Variants in ROBO1 observed in about 807,000 individuals in gnomAD.
ROBO1 encodes the protein roundabout homolog 1.
In ROBO1, 149 loss-of-function variants were observed where a neutral mutation model predicts 195.9. The observed-to-expected ratio is 0.76, with a 90% confidence interval of 0.67 to 0.87. The LOEUF (loss-of-function observed/expected upper bound fraction) is 0.87, where lower values mean the gene tolerates loss of function less well. Among genes scored for constraint, ROBO1 ranks in the 40% least tolerant of loss-of-function variants. The probability of loss-of-function intolerance (pLI) is 0.00; values close to 1 mark genes in which losing one functional copy is unlikely to be tolerated. For missense variants in ROBO1, 1,933 were observed against 2,068.3 expected (o/e 0.93, Z 1.27); for synonymous variants, 816 against 733.2 (o/e 1.11, Z -1.82).
intron 2 of ROBO1, among the ~76,000 whole-genome samples, chr3:79,562,110 A>G (rs1942941294): frequency 6.6e-6 from 1 of 152,078 alleles, no homozygotes; most frequent in Non-Finnish European, 1.5e-5. Flanking sequence ...ACAAATGGCT[A>G]TTTTTTTGTG....
chr3:78,681,643 G>A (rs539270402), intron 10 of ROBO1, among the ~76,000 whole-genome samples: 9 of 152,262 alleles, frequency 5.9e-5, no homozygotes, highest in East Asian at 3.9e-4. Flanking sequence ...GGTGGCTCAC[G>A]CCTGTAATCC....
At chr3:79,359,824 C>T (rs758641441) in intron 2 of ROBO1, among the ~76,000 whole-genome samples, 2 of 151,682 alleles carry the variant, frequency 1.3e-5, no homozygotes, top group African/African-American at 4.8e-5. Context: ...AATACAGATA[C>T]CAAGCATAAG....
intron 1 of ROBO1, among the ~76,000 whole-genome samples, chr3:79,655,639 T>C (rs554944242): frequency 7.2e-5 from 11 of 152,192 alleles, no homozygotes; most frequent in Non-Finnish European, 1.3e-4. Flanking sequence ...AGGGCTTTCA[T>C]TGCCATTAAT....
chr3:79,653,581 G>A lies in ROBO1; in HGVS notation c.-50-63620C>T, dbSNP rs192642961. On this transcript the variant is annotated intron_variant, in intron 1 of 30. Transcript: ENST00000464233. ...GCTTTTGAGTATCATTTCAAGATGAGAATATTTGCATTCCCATTAGGGCAT... is the reference window on the plus strand; with the variant it reads ...GCTTTTGAGTATCATTTCAAGATGAAAATATTTGCATTCCCATTAGGGCAT... Among the ~76,000 whole-genome samples the A allele has an allele frequency of 2.3e-3, 346 of 152,070 alleles. 1 individual carries two copies. Among genetic ancestry groups the A allele is most frequent in the African/African-American group, 7.8e-3 (323 of 41,546 alleles).
intron 1 of ROBO1, among the ~76,000 whole-genome samples, chr3:79,600,727 G>C (rs796396812): frequency 5.9e-5 from 9 of 151,746 alleles, no homozygotes; most frequent in African/African-American, 2.2e-4. Context: ...AATCCACACT[G>C]TGCTAATTTC....
At chr3:79,557,751 T>A (rs28448697) in intron 2 of ROBO1, among the ~76,000 whole-genome samples, 28 of 108,534 alleles carry the variant, frequency 2.6e-4, no homozygotes, top group African/African-American at 1.3e-3. Context: ...AAAATATATA[T>A]ATATATATAT....
intron 3 of ROBO1, among the ~76,000 whole-genome samples, chr3:78,994,753 T>C (rs1053384114): frequency 6.6e-6 from 1 of 152,208 alleles, no homozygotes; most frequent in African/African-American, 2.4e-5. Context: ...AGCTTCACTA[T>C]ACTTTCACCT....
At chr3:79,522,668 C>T (rs1391457631) in intron 2 of ROBO1, among the ~76,000 whole-genome samples, 1 of 152,046 alleles carries the variant, frequency 6.6e-6, no homozygotes, top group Non-Finnish European at 1.5e-5. Context: ...GAAATAACAC[C>T]AATAGATTCC....
At chr3:78,728,547 G>A (rs183673354) in intron 5 of ROBO1, among the ~76,000 whole-genome samples, 1 of 151,276 alleles carries the variant, frequency 6.6e-6, no homozygotes, top group Admixed American at 6.6e-5. Flanking sequence ...ATTCTCAAGT[G>A]AAGGGTATTT....
chr3:79,499,413 C>A (rs1188344850), intron 2 of ROBO1, among the ~76,000 whole-genome samples: 6 of 152,162 alleles, frequency 3.9e-5, no homozygotes, highest in Non-Finnish European at 8.8e-5. Context: ...CAAACTAAAG[C>A]TAAATGAGCT....
chr3:78,614,679 T>C lies in ROBO1; in HGVS notation c.4404A>G (p.Pro1468=), dbSNP rs770026606. 2 of 1,613,846 alleles carry C rather than the reference T, an allele frequency of 1.2e-6. No homozygotes were observed. Among genetic ancestry groups the C allele is most frequent in the Admixed American group, 1.7e-5 (1 of 60,012 alleles). ...TRPAKKLKHQ[P]GHLRRETYTD... ...TGTAGGTTTCTCTGCGCAGATGTCC[T>C]GGCTGGTGTTTCAGTTTCTTGGCTG... The change falls in exon 28 of 31, where the codon CCA becomes CCG. Residue 1468 remains proline, a synonymous_variant. Transcript: ENST00000464233.
intron 14 of ROBO1, among the ~76,000 whole-genome samples, chr3:78,663,624 A>G (rs922768255): frequency 6.6e-6 from 1 of 152,134 alleles, no homozygotes; most frequent in African/African-American, 2.4e-5. Flanking sequence ...TAATCTCACT[A>G]TTCTTCAGTT....
Position 79,178,230 on chromosome 3 carries a change from T to G in ROBO1, c.89-52691A>C, listed in dbSNP as rs115725349. 7.5e-3 allele frequency among the ~76,000 whole-genome samples: 1,136 copies of G among 152,308 alleles called. 7 individuals are homozygous for G. The highest frequency in any genetic ancestry group is 0.012 in the Non-Finnish European group (787 of 68,020). ...TATTTGTTTATTTAGAATATGAAAA[T>G]GTAATGAACAAAACTAGTGTTGAGA... On this transcript the variant is annotated intron_variant, in intron 2 of 30. Transcript: ENST00000464233.
chr3:79,703,890 AAG>A (rs1260419052), intron 1 of ROBO1, among the ~76,000 whole-genome samples: 1 of 151,968 alleles, frequency 6.6e-6, no homozygotes, highest in African/African-American at 2.4e-5. Flanking sequence ...GAAAATTCCA[AAG>A]AGAGTCTTTG....
At chr3:79,640,218 A>C (rs1945615666) in intron 1 of ROBO1, among the ~76,000 whole-genome samples, 1 of 152,164 alleles carries the variant, frequency 6.6e-6, no homozygotes, top group Non-Finnish European at 1.5e-5. Context: ...TAGCTTGGGA[A>C]ATATGTATTT....
chr3:78,677,104 A>G (rs149577181), intron 10 of ROBO1, among the ~76,000 whole-genome samples: 99 of 152,102 alleles, frequency 6.5e-4, no homozygotes, highest in Non-Finnish European at 1.1e-3. Context: ...GTAATAAAAT[A>G]CTTTAGACAA....
chr3:79,407,857 T>G lies in ROBO1; in HGVS notation c.88+181967A>C, dbSNP rs190219644. Among the ~76,000 whole-genome samples, 436 of 152,258 alleles carry G rather than the reference T, an allele frequency of 2.9e-3. 2 individuals are homozygous for G. Among genetic ancestry groups the G allele is most frequent in the African/African-American group, 9.1e-3 (378 of 41,564 alleles). ...AAATAAAATAACATAATTCGATGTA[T>G]AGTGAAGTTACTGTACTTCTGTAAA... On this transcript the variant is annotated intron_variant, in intron 2 of 30. Coordinates refer to ENST00000464233, the MANE Select transcript of ROBO1 (RefSeq NM_002941.4).
chr3:78,685,991 G>T, intron 9 of ROBO1, 74 bp from the exon 10 acceptor site: 1 of 1,219,334 alleles, frequency 8.2e-7, no homozygotes. Context: ...TGGCACTTAT[G>T]CATTTACATG....
At position 78,746,782 on chromosome 3, in the gene ROBO1, T is replaced by C. The variant is rs540112548; in HGVS notation, c.618A>G (p.Lys206=). 2 of 1,578,004 alleles carry C rather than the reference T, an allele frequency of 1.3e-6. No homozygotes were observed. The highest frequency in any genetic ancestry group is 2.3e-5 in the South Asian group (2 of 86,776). The change falls in exon 5 of 31, where the codon AAA becomes AAG. Residue 206 remains lysine, a synonymous_variant. Transcript: ENST00000464233. ...GHPEPTISWK[K]DGSPLDDKDE... The stretch of plus-strand genomic sequence containing the variant: ...CTTTATCATCCAGTGGAGAGCCATC[T>C]TTCTTCCATGAAATGGTGGGCTCAG...
Sources: gnomAD v4.1 joint callset for allele counts (sites outside exome capture counted in the v4.1 genomes callset) on GRCh38, gnomAD v4.1.1 for gene constraint, MANE v1.5 for transcripts, NCBI Gene and HGNC (gene_info 2026-07-23, HGNC 2026-07-21) for gene names.